SCTR: variants seen among roughly 807,000 people sequenced by gnomAD.
SCTR encodes the protein secretin receptor, also known as pancreatic secretin receptor.
In SCTR, 56 loss-of-function variants were observed where a neutral mutation model predicts 60.8. The observed-to-expected ratio is 0.92, with a 90% CI of 0.74 to 1.15. The LOEUF (loss-of-function observed/expected upper bound fraction) is 1.15, where lower values mean the gene tolerates loss of function less well. SCTR is among the 50% of genes most tolerant of loss of function. SCTR has a pLI of 0.00. For synonymous variants in SCTR, 202 were observed against 217.0 expected, an observed-to-expected ratio of 0.93 and a Z score of 0.61; for missense variants, 562 against 550.4, an observed-to-expected ratio of 1.02 and a Z score of -0.21.
At chr2:119,463,332 A>G (rs61076083) in intron 6 of SCTR, among the ~76,000 whole-genome samples, 3,864 of 152,292 alleles carry the variant, frequency 0.025, 170 homozygotes, top group African/African-American at 0.087. Context: ...AAGCTGCCCA[A>G]AAGATAAAAA....
rs541566485 is a variant in SCTR, at chr2:119,446,923, C to T, written c.1014-38G>A. On this transcript the variant is annotated intron_variant, in intron 10 of 12. Coordinates refer to ENST00000019103, the MANE Select transcript of SCTR (RefSeq NM_002980.3). ...AAAGCCTGTAGCCTCCACTCTGCCT[C>T]CCTGCGCCCTTTCTCCTCCTGTAGG... 1.3e-4 allele frequency: 185 copies of T among 1,401,590 alleles called. 2 individuals carry two copies. In the South Asian group the frequency reaches 1.7e-3, roughly 13 times the overall value. The allele number at this position is 1,401,590 out of a possible 1,614,324, so 86.8% of individuals were successfully genotyped here.
At chr2:119,471,564 G>A (rs115517919) in intron 4 of SCTR, among the ~76,000 whole-genome samples, 5 of 152,272 alleles carry the variant, frequency 3.3e-5, no homozygotes, top group Admixed American at 6.5e-5. Flanking sequence ...AGGGGTCTTC[G>A]CAAAATGCAG....
Position 119,473,662 on chromosome 2 carries a change from G to A in SCTR, c.302-106C>T, listed in dbSNP as rs796164852. On this transcript the variant is annotated intron_variant, in intron 3 of 12. Transcript: ENST00000019103. ...GCTGCTACAACCACTCTATAGTGTG[G>A]AAACTGAGGCACACAGCAGTTCCAG... The A allele has an allele frequency of 4.0e-6, 3 of 741,400 alleles. No homozygotes were observed. In the African/African-American group the frequency reaches 5.2e-5, roughly 13 times the overall value. 45.9% of individuals were successfully genotyped at this position (741,400 alleles called of 1,614,324 possible). A position where few individuals can be genotyped will look rare whatever the true frequency, so the allele number is the denominator to read the frequency against.
rs78823272 is a variant in SCTR, at chr2:119,448,741, T to G, written c.961A>C (p.Met321Leu). The change falls in exon 10 of 13, where the codon ATG becomes CTG. Residue 321 changes from methionine (M) to leucine (L), a missense_variant. Coordinates refer to ENST00000019103, the MANE Select transcript of SCTR (RefSeq NM_002980.3). ...ILFINILRIL[M>L]RKLRTQETRG... ...GTTTCTTGGGTTCTAAGTTTTCTCA[T>G]CAGGATTCTTAGAATGTTTATGAAA... 17 of 1,603,928 alleles carry G rather than the reference T, an allele frequency of 1.1e-5. No homozygotes were observed. The East Asian group carries it at 3.6e-4, about 34-fold the overall frequency.
intron 1 of SCTR, among the ~76,000 whole-genome samples, chr2:119,519,607 C>G (rs1679223047): frequency 6.6e-6 from 1 of 151,688 alleles, no homozygotes. Flanking sequence ...GAGTTCAAGA[C>G]AAGCCTGGCC....
At chr2:119,460,547 C>G (rs1683563122) in intron 7 of SCTR, among the ~76,000 whole-genome samples, 1 of 152,060 alleles carries the variant, frequency 6.6e-6, no homozygotes, top group South Asian at 2.1e-4. Context: ...TGAGGTCTGT[C>G]CTTGTTTACC....
chr2:119,501,661 G>A (rs889335057), intron 1 of SCTR, among the ~76,000 whole-genome samples: 3 of 152,130 alleles, frequency 2.0e-5, no homozygotes, highest in African/African-American at 7.2e-5. Flanking sequence ...AAATGTTTGA[G>A]GAGATAAATA....
intron 7 of SCTR, among the ~76,000 whole-genome samples, chr2:119,456,279 C>T (rs961649424): frequency 1.3e-4 from 20 of 151,946 alleles, no homozygotes; most frequent in African/African-American, 4.8e-4. Context: ...AGGATGGTCT[C>T]GAACTCCTGA....
chr2:119,462,117 G>C, intron 6 of SCTR, 117 bp from the exon 7 acceptor site: 1 of 956,078 alleles, frequency 1.0e-6, no homozygotes, highest in Non-Finnish European at 1.5e-6. Context: ...ACAAGAGCGG[G>C]CCTCTGGGGT....
chr2:119,514,298 G>T (rs1251564397), intron 1 of SCTR, among the ~76,000 whole-genome samples: 1 of 152,182 alleles, frequency 6.6e-6, no homozygotes, highest in East Asian at 1.9e-4. Context: ...ACCTAACCAG[G>T]TGTGAGACAA....
chr2:119,494,674 G>T, intron 1 of SCTR, 126 bp from the exon 2 acceptor site: 1 of 971,384 alleles, frequency 1.0e-6, no homozygotes, highest in Non-Finnish European at 1.5e-6. Flanking sequence ...TGCCTGCAAG[G>T]ATCTCCTGGT....
chr2:119,478,403 T>A (rs72834803), intron 3 of SCTR, among the ~76,000 whole-genome samples: 2,810 of 151,856 alleles, frequency 0.019, 35 homozygotes, highest in South Asian at 0.053. Context: ...GGCCTGACAG[T>A]GGAAGGAAGT....
chr2:119,461,307 T>C (rs1683593720), intron 7 of SCTR, among the ~76,000 whole-genome samples: 1 of 152,200 alleles, frequency 6.6e-6, no homozygotes, highest in Non-Finnish European at 1.5e-5. Context: ...GGGAACGAAC[T>C]GTAAAAAGCT....
At chr2:119,460,682 C>A (rs1309927709) in intron 7 of SCTR, among the ~76,000 whole-genome samples, 1 of 152,070 alleles carries the variant, frequency 6.6e-6, no homozygotes, top group Non-Finnish European at 1.5e-5. Context: ...TAGCAAGTGC[C>A]CCTAAAATGG....
intron 9 of SCTR, among the ~76,000 whole-genome samples, chr2:119,449,517 T>C (rs1177769744): frequency 6.6e-6 from 1 of 152,180 alleles, no homozygotes; most frequent in Non-Finnish European, 1.5e-5. Flanking sequence ...CCAATTCAAT[T>C]GTAACTTCCT....
At chr2:119,482,588 A>G (rs912080533) in intron 2 of SCTR, among the ~76,000 whole-genome samples, 1 of 152,214 alleles carries the variant, frequency 6.6e-6, no homozygotes, top group African/African-American at 2.4e-5. Flanking sequence ...TTCACCTGCA[A>G]GAGGAGGAGC....
chr2:119,524,306 G>GC lies in SCTR; in HGVS notation c.-81dup. ...CCCGCTCGGGAGCTCAGCGCCCCGC[G>GC]CAGGGTCCCGGGCTCCGGCCGGCCG... On this transcript the variant is annotated 5_prime_UTR_variant, in exon 1 of 13. An upstream open reading frame in the 5' UTR loses its in-frame stop. Coordinates refer to ENST00000019103, the MANE Select transcript of SCTR (RefSeq NM_002980.3). The GC allele has an allele frequency of 2.0e-6, 2 of 989,654 alleles. No homozygotes were observed. Among genetic ancestry groups the GC allele is most frequent in the Non-Finnish European group, 2.7e-6 (2 of 732,008 alleles). The allele number at this position is 989,654 out of a possible 1,614,324, so 61.3% of individuals were successfully genotyped here.
At chr2:119,500,481 T>C (rs1170494709) in intron 1 of SCTR, among the ~76,000 whole-genome samples, 1 of 152,142 alleles carries the variant, frequency 6.6e-6, no homozygotes, top group African/African-American at 2.4e-5. Context: ...TAAGTACCCA[T>C]CAGCAGATGA....
At chr2:119,508,270 G>C (rs1412194563) in intron 1 of SCTR, among the ~76,000 whole-genome samples, 1 of 151,932 alleles carries the variant, frequency 6.6e-6, no homozygotes, top group Non-Finnish European at 1.5e-5. Flanking sequence ...TGTTCTGCTG[G>C]ACTAAGAGGA....
Sources: allele counts gnomAD v4.1 joint callset (sites outside exome capture counted in the v4.1 genomes callset), GRCh38; gene constraint gnomAD v4.1.1; transcripts MANE v1.5; gene names NCBI Gene and HGNC (gene_info 2026-07-23, HGNC 2026-07-21).